HDAC3: variants seen among roughly 807,000 people sequenced by gnomAD.
HDAC3 encodes the protein SMAP45.
HDAC3 carries 21 observed loss-of-function variants against 62.3 expected under a neutral mutation model. The observed-to-expected ratio is 0.34, with a 90% confidence interval of 0.24 to 0.49. HDAC3 has a LOEUF of 0.49. Among genes scored for constraint, HDAC3 ranks in the 20% least tolerant of loss-of-function variants. HDAC3 has a pLI of 0.99. For synonymous variants in HDAC3, 198 were observed against 206.5 expected (o/e 0.96, Z 0.35); for missense variants, 270 against 556.9 (o/e 0.48, Z 5.19).
rs2099904379 is a variant in HDAC3 at position 141,625,940 on chromosome 5, T to C, written c.979+73A>G. 6.8e-7 allele frequency: 1 copy of C among 1,460,910 alleles called. No homozygotes were observed. The allele number at this position is 1,460,910 out of a possible 1,614,324, so 90.5% of individuals were successfully genotyped here. On this transcript the variant is annotated intron_variant, in intron 12 of 14. Transcript: ENST00000305264. This position sits in a 1 kb window ranked among gnomAD's most constrained non-coding sequence, Gnocchi z 4.0. ...GAGAGTGTAAAATTTCCCATGTGCC[T>C]TCAAACCAGGTCATTCTGGAATCTG...
chr5:141,631,252 A>T (rs781226017), intron 3 of HDAC3, among the ~76,000 whole-genome samples: 1 of 152,094 alleles, frequency 6.6e-6, no homozygotes, highest in Non-Finnish European at 1.5e-5. Context: ...CAATGGTGCG[A>T]TCTCGGCTCA....
Position 141,628,711 on chromosome 5 carries a change from C to T in HDAC3, c.611-72G>A. 2.7e-6 allele frequency: 3 copies of T among 1,093,630 alleles called. No individual in the cohort carries two copies. Among genetic ancestry groups the T allele is most frequent in the Non-Finnish European group, 2.8e-6 (2 of 717,480 alleles). 67.7% of individuals were successfully genotyped at this position (1,093,630 alleles called of 1,614,324 possible). On this transcript the variant is annotated intron_variant, in intron 7 of 14. Coordinates refer to ENST00000305264, the MANE Select transcript of HDAC3 (RefSeq NM_003883.4). The surrounding 1 kb of genome is among the most constrained non-coding windows in gnomAD (Gnocchi z 4.7). ...ACCCAGCTGTTTCAGCCCCAATCTG[C>T]ACTCTGGGAGCCTCTCATTCCATCT...
chr5:141,626,562 T>G lies in HDAC3; in HGVS notation c.831-279A>C. 1 of 417,036 alleles carries G rather than the reference T, an allele frequency of 2.4e-6. No individual in the cohort carries two copies. Among genetic ancestry groups the G allele is most frequent in the Non-Finnish European group, 4.5e-6 (1 of 224,174 alleles). The allele number at this position is 417,036 out of a possible 1,614,324, so 25.8% of individuals were successfully genotyped here. ...CAACTATTCTCATCAACCCAAGTTC[T>G]GTCAATTCTAGCCTTGAAAATATAA... On this transcript the variant is annotated intron_variant, in intron 10 of 14. Coordinates refer to ENST00000305264, the MANE Select transcript of HDAC3 (RefSeq NM_003883.4). This position sits in a 1 kb window ranked among gnomAD's most constrained non-coding sequence, Gnocchi z 4.6.
rs58610895 is a variant in HDAC3 at position 141,624,372 on chromosome 5, CAAAAAAAAAAAAAAAAAAAA to C, written c.1217+816_1217+835del. Among the ~76,000 whole-genome samples, 12 of 22,100 alleles carry C rather than the reference CAAAAAAAAAAAAAAAAAAAA, an allele frequency of 5.4e-4. No individual in the cohort carries two copies. The South Asian group carries it at 9.3e-3, about 17-fold the overall frequency. The allele number at this position is 22,100 out of a possible 152,430, so 14.5% of individuals were successfully genotyped here. ...CAACAAGGCAAGACTCCGTCTCTAC[CAAAAAAAAAAAAAAAAAAAA>C]AAAAAAAAAAAAAAATTAGCCAGGT... On this transcript the variant is annotated intron_variant, in intron 14 of 14. Transcript: ENST00000305264.
chr5:141,623,159 T>G (rs892522891), intron 14 of HDAC3, among the ~76,000 whole-genome samples: 4 of 152,174 alleles, frequency 2.6e-5, no homozygotes, highest in Non-Finnish European at 5.9e-5. Flanking sequence ...TTAGACTCTC[T>G]GAGCCTTAGA....
At chr5:141,624,372 CAAAAAAAAAAAAAAAAAAAAAA>C (rs58610895) in intron 14 of HDAC3, among the ~76,000 whole-genome samples, 2 of 22,088 alleles carry the variant, frequency 9.1e-5, no homozygotes, top group African/African-American at 3.5e-4. Context: ...CCGTCTCTAC[CAAAAAAAAAAAAAAAAAAAAAA>C]AAAAAAAAAA....
chr5:141,629,537 A>G lies in HDAC3; in HGVS notation c.476+147T>C. The G allele has an allele frequency of 1.1e-6, 1 of 916,398 alleles. No homozygotes were observed. Among genetic ancestry groups the G allele is most frequent in the East Asian group, 2.4e-5 (1 of 41,414 alleles). The allele number at this position is 916,398 out of a possible 1,614,324, so 56.8% of individuals were successfully genotyped here. A position where few individuals can be genotyped will look rare whatever the true frequency, so the allele number is the denominator to read the frequency against. On this transcript the variant is annotated intron_variant, in intron 6 of 14. Coordinates refer to ENST00000305264, the MANE Select transcript of HDAC3 (RefSeq NM_003883.4). This position sits in a 1 kb window ranked among gnomAD's most constrained non-coding sequence, Gnocchi z 5.3. Reference sequence around the variant, plus strand: ...TGTGAGCAGGCAGTAGGGAATCTGCAGCAGTGGAAGAGGCAGCCTGAATAA... The same window carrying G: ...TGTGAGCAGGCAGTAGGGAATCTGCGGCAGTGGAAGAGGCAGCCTGAATAA...
intron 2 of HDAC3, among the ~76,000 whole-genome samples, chr5:141,635,686 C>A (rs887017575): frequency 6.6e-6 from 1 of 152,276 alleles, no homozygotes; most frequent in Non-Finnish European, 1.5e-5. Flanking sequence ...ATCACTGTAA[C>A]TTTAAACTCC....
chr5:141,628,526 C>A lies in HDAC3; in HGVS notation c.691+33G>T. On this transcript the variant is annotated intron_variant, in intron 8 of 14. Transcript: ENST00000305264. The surrounding 1 kb of genome is among the most constrained non-coding windows in gnomAD (Gnocchi z 4.7). Reference sequence around the variant, plus strand: ...TTATTTCAAGGAGAAAAAGAAGGGGCCTAGGGAACAGAGGGAAGACTTCGG... The same window carrying A: ...TTATTTCAAGGAGAAAAAGAAGGGGACTAGGGAACAGAGGGAAGACTTCGG... The A allele has an allele frequency of 6.5e-7, 1 of 1,543,428 alleles. No individual in the cohort carries two copies. The highest frequency in any genetic ancestry group is 9.0e-7 in the Non-Finnish European group (1 of 1,115,832).
rs1041048658 is a variant in HDAC3, at chr5:141,628,494, G to C, written c.691+65C>G. The C allele has an allele frequency of 7.6e-6, 10 of 1,307,418 alleles. No homozygotes were observed. The African/African-American group carries it at 1.5e-4, about 19-fold the overall frequency. The allele number at this position is 1,307,418 out of a possible 1,614,324, so 81.0% of individuals were successfully genotyped here. A position where few individuals can be genotyped will look rare whatever the true frequency, so the allele number is the denominator to read the frequency against. On this transcript the variant is annotated intron_variant, in intron 8 of 14. Coordinates refer to ENST00000305264, the MANE Select transcript of HDAC3 (RefSeq NM_003883.4). The surrounding 1 kb of genome is among the most constrained non-coding windows in gnomAD (Gnocchi z 4.7). ...GCCCAACAGCAGACAATACCAGGCA[G>C]AAGAGGTTATTTCAAGGAGAAAAAG...
intron 3 of HDAC3, among the ~76,000 whole-genome samples, chr5:141,634,606 T>A (rs1361825683): frequency 2.0e-5 from 3 of 152,248 alleles, no homozygotes. Context: ...AATTTTGTTT[T>A]TGTTCATCAC....
intron 14 of HDAC3, among the ~76,000 whole-genome samples, chr5:141,622,633 T>C (rs1224216327): frequency 6.6e-6 from 1 of 151,746 alleles, no homozygotes; most frequent in Non-Finnish European, 1.5e-5. Flanking sequence ...GAAAAAGTAT[T>C]CTCTGGGACA....
rs186087285 is a variant in HDAC3, at chr5:141,627,445, C to A, written c.830+448G>T. 2.1e-3 allele frequency among the ~76,000 whole-genome samples: 326 copies of A among 152,306 alleles called. 3 individuals carry two copies. Among genetic ancestry groups the A allele is most frequent in the South Asian group, 6.4e-3 (31 of 4,826 alleles). On this transcript the variant is annotated intron_variant, in intron 10 of 14. Transcript: ENST00000305264. ...TTCTCTCTGCTCCTCTTATGACTCA[C>A]TCCTTCTTAGTCTCCAGGTCTCAAC... is the stretch of plus-strand genomic sequence containing the variant.
rs948501440 is a variant in HDAC3 at position 141,629,487 on chromosome 5, G to A, written c.477-181C>T. On this transcript the variant is annotated intron_variant, in intron 6 of 14. Coordinates refer to ENST00000305264, the MANE Select transcript of HDAC3 (RefSeq NM_003883.4). The surrounding 1 kb of genome is among the most constrained non-coding windows in gnomAD (Gnocchi z 5.3). ...CTAGAGGCTAGAGGCAGGGACAGGAGAGGGATATGCAGAGAAGGCTGAAAT... is the reference window on the plus strand; with the variant it reads ...CTAGAGGCTAGAGGCAGGGACAGGAAAGGGATATGCAGAGAAGGCTGAAAT... 7.4e-5 allele frequency: 69 copies of A among 929,188 alleles called. No individual in the cohort carries two copies. The African/African-American group carries it at 8.1e-4, about 11-fold the overall frequency. 57.6% of individuals were successfully genotyped at this position (929,188 alleles called of 1,614,324 possible).
chr5:141,622,221 C>T (rs576530495), intron 14 of HDAC3, among the ~76,000 whole-genome samples: 8 of 152,268 alleles, frequency 5.3e-5, no homozygotes, highest in Admixed American at 2.6e-4. Context: ...AGAAGAGTGA[C>T]GTGGTATTAT....
chr5:141,630,223 A>G, intron 3 of HDAC3, 98 bp from the exon 4 acceptor site: 1 of 1,149,032 alleles, frequency 8.7e-7, no homozygotes, highest in East Asian at 2.4e-5. Flanking sequence ...TCCATTTTTC[A>G]AGAACCTTCT....
At chr5:141,627,177 T>G (rs1186691410) in intron 10 of HDAC3, among the ~76,000 whole-genome samples, 1 of 152,166 alleles carries the variant, frequency 6.6e-6, no homozygotes, top group Non-Finnish European at 1.5e-5. Flanking sequence ...TAGGCTCAAG[T>G]GATCCTCCTG....
At chr5:141,623,928 C>T (rs1432834178) in intron 14 of HDAC3, among the ~76,000 whole-genome samples, 1 of 151,930 alleles carries the variant, frequency 6.6e-6, no homozygotes, top group Non-Finnish European at 1.5e-5. Flanking sequence ...TGTTGTCTTT[C>T]CCTTTCATTT....
At chr5:141,632,002 G>A (rs1359078006) in intron 3 of HDAC3, among the ~76,000 whole-genome samples, 1 of 151,208 alleles carries the variant, frequency 6.6e-6, no homozygotes, top group East Asian at 1.9e-4. Context: ...ATTTATGGGT[G>A]AAAAGGAGAG....
Sources: gnomAD v4.1 joint callset for allele counts (sites outside exome capture counted in the v4.1 genomes callset) on GRCh38, gnomAD v4.1.1 for gene constraint, Gnocchi (gnomAD v3.1) non-coding constraint, MANE v1.5 for transcripts, NCBI Gene and HGNC (gene_info 2026-07-23, HGNC 2026-07-21) for gene names.